CNKSR2: variants seen among roughly 807,000 people sequenced by gnomAD.
CNKSR2 encodes connector enhancer of kinase suppressor of Ras 2.
Under a neutral mutation model 84.4 loss-of-function variants are expected in CNKSR2, and 14 were observed. The observed-to-expected ratio is 0.17, with a 90% CI of 0.11 to 0.26. CNKSR2 has a LOEUF of 0.26. CNKSR2 is among the 10% of genes least tolerant of loss of function. CNKSR2 has a pLI of 1.00. For synonymous variants in CNKSR2, 275 were observed against 277.9 expected (o/e 0.99, Z 0.10); for missense variants, 485 against 771.2 (o/e 0.63, Z 4.40).
intron 17 of CNKSR2, among the ~76,000 whole-genome samples, chrX:21,598,174 C>G (rs2092460902): frequency 9.0e-6 from 1 of 110,989 alleles, no homozygotes; most frequent in Admixed American, 9.6e-5. Flanking sequence ...CACTACTGTT[C>G]ATCTGTTTCA....
intron 11 of CNKSR2, among the ~76,000 whole-genome samples, chrX:21,544,380 G>A (rs950471146): frequency 4.5e-5 from 5 of 111,322 alleles, no homozygotes; most frequent in African/African-American, 1.3e-4. Flanking sequence ...ATCTCTCAGC[G>A]TCAGGAATCT....
At position 21,514,403 on chromosome X, in the gene CNKSR2, A is replaced by G. The variant is rs749522301; in HGVS notation, c.811-2082A>G. 3.3e-3 allele frequency among the ~76,000 whole-genome samples: 366 copies of G among 112,037 alleles called. 1 individual carries two copies. The highest frequency in any genetic ancestry group is 0.011 in the African/African-American group (339 of 31,003). On this transcript the variant is annotated intron_variant, in intron 8 of 21. Transcript: ENST00000379510. ...AAATTAGATACCCAAATTTTCTGCCATTAAATAACATCAGCTGTAAAATTA... is the reference window on the plus strand; with the variant it reads ...AAATTAGATACCCAAATTTTCTGCCGTTAAATAACATCAGCTGTAAAATTA...
rs185822454 is a variant in CNKSR2, at chrX:21,624,917, A to C, written c.2692+15300A>C. ...ATTATCCCCCAATAGCTCATAATTC[A>C]GGTGGTTGTAACCCAATTAAATGAT... On this transcript the variant is annotated intron_variant, in intron 20 of 21. Transcript: ENST00000379510. Among the ~76,000 whole-genome samples, 49 of 112,380 alleles carry C rather than the reference A, an allele frequency of 4.4e-4. 2 individuals carry two copies. Among genetic ancestry groups the C allele is most frequent in the African/African-American group, 1.3e-3 (39 of 31,007 alleles).
At chrX:21,381,951 G>C (rs2089904800) in intron 1 of CNKSR2, among the ~76,000 whole-genome samples, 1 of 111,092 alleles carries the variant, frequency 9.0e-6, no homozygotes, top group African/African-American at 3.3e-5. Context: ...ATATTAATTT[G>C]GATGGTTATT....
At chrX:21,528,169 CA>C (rs1176166447) in intron 10 of CNKSR2, among the ~76,000 whole-genome samples, 1 of 110,851 alleles carries the variant, frequency 9.0e-6, no homozygotes, top group Non-Finnish European at 1.9e-5. Flanking sequence ...AATTTACAAG[CA>C]AATATACAAA....
chrX:21,378,643 C>T (rs1182061115), intron 1 of CNKSR2, among the ~76,000 whole-genome samples: 1 of 110,762 alleles, frequency 9.0e-6, no homozygotes, highest in African/African-American at 3.3e-5. Flanking sequence ...CACACCCAGT[C>T]TTTCCATTTT....
intron 11 of CNKSR2, among the ~76,000 whole-genome samples, chrX:21,544,495 A>G (rs765178394): frequency 1.8e-5 from 2 of 112,171 alleles, no homozygotes; most frequent in Admixed American, 9.4e-5. Context: ...GGAGAGCCTT[A>G]AAGAAATTAA....
chrX:21,532,742 A>G (rs1329927431), intron 11 of CNKSR2, among the ~76,000 whole-genome samples: 1 of 111,937 alleles, frequency 8.9e-6, no homozygotes, highest in Non-Finnish European at 1.9e-5. Flanking sequence ...AAAGTAGTCA[A>G]GCTTGTGGTT....
intron 11 of CNKSR2, among the ~76,000 whole-genome samples, chrX:21,546,132 A>G (rs1463424381): frequency 2.7e-5 from 3 of 110,399 alleles, no homozygotes; most frequent in Non-Finnish European, 5.7e-5. Context: ...CCTGAGCTAA[A>G]AGAGCATGTT....
At chrX:21,515,888 GA>G (rs1390817659) in intron 8 of CNKSR2, among the ~76,000 whole-genome samples, 1 of 111,801 alleles carries the variant, frequency 8.9e-6, no homozygotes, top group East Asian at 2.8e-4. Context: ...TGCTTCATTG[GA>G]GTAGTATTAT....
chrX:21,502,548 G>A (rs2091569953), intron 8 of CNKSR2, among the ~76,000 whole-genome samples: 1 of 110,004 alleles, frequency 9.1e-6, no homozygotes, highest in Admixed American at 9.7e-5. Context: ...ATGTCCTAGT[G>A]ATGGAAGAAA....
chrX:21,374,639 C>CGCA lies in CNKSR2; in HGVS notation c.-257_-256insAGC. ...CAGCAGCAGCAGCAGCAGCCGCCGC[C>CGCA]GCCGCCGCCTTAGCGGGAACTGAGC... On this transcript the variant is annotated 5_prime_UTR_variant, in exon 1 of 22. Coordinates refer to ENST00000379510, the MANE Select transcript of CNKSR2 (RefSeq NM_014927.5). 1 of 505,961 alleles carries CGCA rather than the reference C, an allele frequency of 2.0e-6. No individual in the cohort carries two copies. The highest frequency in any genetic ancestry group is 2.5e-5 in the South Asian group (1 of 39,627). The allele number at this position is 505,961 out of a possible 1,213,427, so 41.7% of individuals were successfully genotyped here.
At chrX:21,579,523 A>G (rs1194669382) in intron 13 of CNKSR2, among the ~76,000 whole-genome samples, 6 of 112,335 alleles carry the variant, frequency 5.3e-5, no homozygotes, top group Non-Finnish European at 7.5e-5. Context: ...TCTTAGCCAA[A>G]TGTTGAATCT....
At chrX:21,478,312 T>G in intron 5 of CNKSR2, among the ~76,000 whole-genome samples, 1 of 111,605 alleles carries the variant, frequency 9.0e-6, no homozygotes, top group East Asian at 2.8e-4. Context: ...CTATAAATTC[T>G]CCACAACTGA....
chrX:21,433,443 A>T (rs778671210), intron 3 of CNKSR2, among the ~76,000 whole-genome samples: 9 of 111,799 alleles, frequency 8.1e-5, no homozygotes, highest in African/African-American at 2.6e-4. Context: ...AAACATTATC[A>T]TGATAAAACA....
At chrX:21,380,603 C>T (rs748609440) in intron 1 of CNKSR2, among the ~76,000 whole-genome samples, 1 of 109,753 alleles carries the variant, frequency 9.1e-6, no homozygotes, top group Non-Finnish European at 1.9e-5. Flanking sequence ...CCCACCACCA[C>T]CCCTGGCTAA....
At chrX:21,453,451 C>T (rs1485408305) in intron 4 of CNKSR2, among the ~76,000 whole-genome samples, 1 of 111,449 alleles carries the variant, frequency 9.0e-6, no homozygotes, top group Non-Finnish European at 1.9e-5. Context: ...GCTTGAAACT[C>T]CTTGATGGCT....
At chrX:21,538,515 G>C (rs907655088) in intron 11 of CNKSR2, 3 of 111,705 alleles carry the variant, frequency 2.7e-5, no homozygotes, top group African/African-American at 6.5e-5. Flanking sequence ...CTCTTATTTT[G>C]TTAAATAGTG....
chrX:21,581,672 C>T (rs2092353955), intron 13 of CNKSR2, among the ~76,000 whole-genome samples: 1 of 111,758 alleles, frequency 8.9e-6, no homozygotes, highest in African/African-American at 3.3e-5. Flanking sequence ...ATATGAGAAG[C>T]CATGAATCAT....
Sources: allele counts gnomAD v4.1 joint callset (sites outside exome capture counted in the v4.1 genomes callset), GRCh38; gene constraint gnomAD v4.1.1; transcripts MANE v1.5; gene names NCBI Gene and HGNC (gene_info 2026-07-23, HGNC 2026-07-21).